The following NEK9 variants were observed in gnomAD, a reference collection of about 807,000 sequenced individuals.
The protein encoded by NEK9 is NIMA related kinase 9.
NEK9 carries 75 observed loss-of-function variants against 123.4 expected under a neutral mutation model. The ratio of observed to expected loss-of-function variants is 0.61; its 90% CI spans 0.50 to 0.74. The LOEUF (loss-of-function observed/expected upper bound fraction) is 0.74. Ranked by LOEUF, NEK9 falls within the 30% of genes least tolerant of loss-of-function variation. The pLI, the probability that NEK9 is intolerant of heterozygous loss-of-function variation, is 0.00. For synonymous variants in NEK9, 438 were observed against 458.7 expected (o/e 0.95, Z 0.58); for missense variants, 952 against 1,214.4 (o/e 0.78, Z 3.21).
chr14:75,097,250 C>T lies in NEK9; in HGVS notation c.2023G>A (p.Gly675Ser), dbSNP rs1894419494. 6.2e-7 allele frequency: 1 copy of T among 1,601,080 alleles called. No homozygotes were observed. Among genetic ancestry groups the T allele is most frequent in the Non-Finnish European group, 8.5e-7 (1 of 1,173,884 alleles). ...ATDDNHIFAWGNGGNGRLAMT... is the reference protein window; with the variant it reads ...ATDDNHIFAWSNGGNGRLAMT... Reference sequence around the variant, plus strand: ...GCCAGGCGGCCATTACCACCATTGCCCCAGGCAAAAATGTGATTATCTAGG... The same window carrying T: ...GCCAGGCGGCCATTACCACCATTGCTCCAGGCAAAAATGTGATTATCTAGG... Residue 675 changes from glycine (G) to serine (S), a missense_variant, in exon 17 of 22, where the codon GGC becomes AGC. Coordinates refer to ENST00000238616, the MANE Select transcript of NEK9 (RefSeq NM_033116.6).
chr14:75,108,678 C>G (rs552792780), intron 10 of NEK9, among the ~76,000 whole-genome samples: 2 of 151,946 alleles, frequency 1.3e-5, no homozygotes, highest in South Asian at 2.1e-4. Context: ...CCTCAGCCTC[C>G]TGAGTAGCTG....
chr14:75,117,445 G>C, intron 5 of NEK9, 119 bp from the exon 6 acceptor site: 1 of 1,144,834 alleles, frequency 8.7e-7, no homozygotes, highest in Non-Finnish European at 1.2e-6. Flanking sequence ...ACATTCATCA[G>C]CAGATTCCAA....
At chr14:75,107,671 G>C (rs1229917227) in intron 10 of NEK9, among the ~76,000 whole-genome samples, 184 bp from the exon 11 acceptor site, 1 of 152,018 alleles carries the variant, frequency 6.6e-6, no homozygotes, top group African/African-American at 2.4e-5. Flanking sequence ...CCCCGGCTGA[G>C]AGGTCTTATG....
chr14:75,126,652 C>A, intron 1 of NEK9, 51 bp downstream of exon 1: 2 of 1,342,644 alleles, frequency 1.5e-6, no homozygotes, highest in South Asian at 1.7e-5. Context: ...AGGAGGGACT[C>A]GGGGCGACCC....
intron 6 of NEK9, among the ~76,000 whole-genome samples, chr14:75,115,006 TATAC>T (rs1423109253): frequency 4.6e-5 from 7 of 151,520 alleles, no homozygotes; most frequent in Non-Finnish European, 1.0e-4. Flanking sequence ...CACACATACA[TATAC>T]ACACACATAT....
At chr14:75,103,286 C>T (rs1894653241) in intron 14 of NEK9, among the ~76,000 whole-genome samples, 2 of 150,986 alleles carry the variant, frequency 1.3e-5, no homozygotes, top group Admixed American at 1.3e-4. Context: ...TAAGCCTAAA[C>T]AGGATCAGTG....
chr14:75,115,766 A>G (rs920007262), intron 6 of NEK9, among the ~76,000 whole-genome samples: 2 of 152,056 alleles, frequency 1.3e-5, no homozygotes, highest in African/African-American at 4.8e-5. Context: ...AGAAACACAG[A>G]CTATCAACCC....
intron 18 of NEK9, 119 bp downstream of exon 18, chr14:75,095,253 G>A (rs1279247101): frequency 1.1e-5 from 7 of 654,154 alleles, no homozygotes; most frequent in African/African-American, 1.8e-5. Flanking sequence ...CTTAACCACT[G>A]TATTCCTCAC....
chr14:75,110,488 C>T, intron 8 of NEK9, 117 bp from the exon 9 acceptor site: 2 of 717,852 alleles, frequency 2.8e-6, no homozygotes, highest in East Asian at 5.2e-5. Flanking sequence ...CATCCTACAA[C>T]ATCACAATAC....
intron 20 of NEK9, among the ~76,000 whole-genome samples, chr14:75,087,460 G>A (rs926403579): frequency 2.0e-5 from 3 of 152,224 alleles, no homozygotes; most frequent in African/African-American, 7.2e-5. Context: ...GCCAAGGTGG[G>A]AGACCAATCA....
chr14:75,124,189 A>T lies in NEK9; in HGVS notation c.254T>A (p.Leu85Ter). 1 of 1,614,084 alleles carries T rather than the reference A, an allele frequency of 6.2e-7. No homozygotes were observed. Among genetic ancestry groups the T allele is most frequent in the Non-Finnish European group, 8.5e-7 (1 of 1,179,944 alleles). ...DSLVVWKEVDLTRLSEKERRD... is the reference protein window; with the variant it reads ...DSLVVWKEVD ...ACGTTCCTTCTCAGACAGCCGGGTCAAATCGACTTCCTTCCACACAACCAG... is the reference window on the plus strand; with the variant it reads ...ACGTTCCTTCTCAGACAGCCGGGTCTAATCGACTTCCTTCCACACAACCAG... The change falls in exon 2 of 22, where the codon TTG becomes TAG. Residue 85 changes from leucine to a stop codon, truncating the protein, a stop_gained. Coordinates refer to ENST00000238616, the MANE Select transcript of NEK9 (RefSeq NM_033116.6). LOFTEE classifies it high-confidence loss of function.
rs761096114 is a variant in NEK9, at chr14:75,097,052, C to T, written c.2173+48G>A. The T allele has an allele frequency of 5.2e-6, 8 of 1,539,708 alleles. No individual in the cohort carries two copies. In the East Asian group the frequency reaches 1.8e-4, roughly 35 times the overall value. On this transcript the variant is annotated intron_variant, in intron 17 of 21. Transcript: ENST00000238616. ...TGACTAACAGTACTCAGATGTGGGT[C>T]CATCCTCTGTCAAAGCCATCCCAAC...
At chr14:75,107,217 T>G in intron 11 of NEK9, 126 bp downstream of exon 11, 1 of 968,042 alleles carries the variant, frequency 1.0e-6, no homozygotes, top group East Asian at 2.7e-5. Flanking sequence ...ATGAGTATAT[T>G]TGCTCAAGGT....
intron 5 of NEK9, among the ~76,000 whole-genome samples, chr14:75,118,164 C>T (rs11159117): frequency 0.46 from 69,374 of 151,838 alleles, 16,957 homozygotes; most frequent in East Asian, 0.84. Context: ...AGACTCCAAA[C>T]CCTAAACATC....
chr14:75,102,739 A>G (rs957314197), intron 14 of NEK9, among the ~76,000 whole-genome samples: 1 of 152,226 alleles, frequency 6.6e-6, no homozygotes, highest in Non-Finnish European at 1.5e-5. Context: ...ACTACTTTAG[A>G]GATTGCTTAA....
Position 75,087,042 on chromosome 14 carries a change from G to A in NEK9, c.2793C>T (p.Asn931=), listed in dbSNP as rs778091815. The A allele has an allele frequency of 3.6e-5, 58 of 1,614,052 alleles. No homozygotes were observed. Among genetic ancestry groups the A allele is most frequent in the Non-Finnish European group, 3.4e-6 (4 of 1,180,024 alleles). The change falls in exon 21 of 22, where the codon AAC becomes AAT. Residue 931 remains asparagine, a synonymous_variant. Transcript: ENST00000238616. ...CCTGCTGCCCTCCTTCTAATTTCTTGTTCAACTTCTGCAGTTGGGTAAAAA... is the reference window on the plus strand; with the variant it reads ...CCTGCTGCCCTCCTTCTAATTTCTTATTCAACTTCTGCAGTTGGGTAAAAA... ...LQIFTQLQKL[N]KKLEGGQQVG...
intron 3 of NEK9, 134 bp downstream of exon 3, chr14:75,120,985 G>A (rs1363797784): frequency 1.3e-6 from 1 of 767,560 alleles, no homozygotes; most frequent in South Asian, 1.5e-5. Context: ...CCTTTCTCAT[G>A]AATATCAGAG....
At chr14:75,123,855 G>GTT (rs1895422995) in intron 2 of NEK9, among the ~76,000 whole-genome samples, 191 bp downstream of exon 2, 1 of 152,162 alleles carries the variant, frequency 6.6e-6, no homozygotes, top group Non-Finnish European at 1.5e-5. Flanking sequence ...TGGGTATGCA[G>GTT]GGGAAAATCC....
At chr14:75,100,913 C>T in intron 16 of NEK9, 79 bp downstream of exon 16, 1 of 1,397,412 alleles carries the variant, frequency 7.2e-7, no homozygotes, top group Non-Finnish European at 9.8e-7. Context: ...ATACAAATAA[C>T]TAGTCCATTT....
Sources: allele counts gnomAD v4.1 joint callset (sites outside exome capture counted in the v4.1 genomes callset), GRCh38; gene constraint gnomAD v4.1.1; transcripts MANE v1.5; gene names NCBI Gene and HGNC (gene_info 2026-07-23, HGNC 2026-07-21).